The following TMEM131 variants were observed in gnomAD, a reference collection of about 807,000 sequenced individuals.
The protein encoded by TMEM131 is transmembrane protein 131.
TMEM131 carries 66 observed loss-of-function variants against 211.6 expected under a neutral mutation model. The observed-to-expected ratio is 0.31, with a 90% CI of 0.26 to 0.38. The LOEUF (loss-of-function observed/expected upper bound fraction) is 0.38, where lower values mean the gene tolerates loss of function less well. Ranked by LOEUF, TMEM131 falls within the 10% of genes least tolerant of loss-of-function variation. The pLI is 1.00. For missense variants in TMEM131, 2,036 were observed against 2,299.3 expected, an observed-to-expected ratio of 0.89 and a Z score of 2.34; for synonymous variants, 844 against 841.3, an observed-to-expected ratio of 1.00 and a Z score of -0.06.
chr2:97,840,862 C>T (rs574739286), intron 7 of TMEM131, among the ~76,000 whole-genome samples: 8 of 152,294 alleles, frequency 5.3e-5, no homozygotes, highest in African/African-American at 1.7e-4. Flanking sequence ...TTCTTTCGTG[C>T]TGCTTTCACT....
intron 3 of TMEM131, among the ~76,000 whole-genome samples, chr2:97,899,332 G>T (rs760953146): frequency 6.6e-6 from 1 of 152,082 alleles, no homozygotes; most frequent in Non-Finnish European, 1.5e-5. Context: ...ATGAACAGGA[G>T]AAGACACTTG....
intron 1 of TMEM131, among the ~76,000 whole-genome samples, chr2:97,971,504 T>C (rs1051664153): frequency 6.6e-6 from 1 of 152,230 alleles, no homozygotes; most frequent in East Asian, 1.9e-4. Context: ...CGTTGCCAAA[T>C]GCAATGGGCT....
intron 31 of TMEM131, among the ~76,000 whole-genome samples, chr2:97,787,734 C>T (rs544750300): frequency 6.6e-6 from 1 of 152,118 alleles, no homozygotes; most frequent in Non-Finnish European, 1.5e-5. Flanking sequence ...GACTACATAC[C>T]TTTCCAAAAT....
chr2:97,917,011 G>T (rs192510812), intron 2 of TMEM131, among the ~76,000 whole-genome samples: 1 of 152,168 alleles, frequency 6.6e-6, no homozygotes, highest in East Asian at 1.9e-4. Flanking sequence ...CAAAAGATGA[G>T]TACTTCTAGG....
At chr2:97,920,932 G>C (rs1471379822) in intron 2 of TMEM131, among the ~76,000 whole-genome samples, 1 of 151,468 alleles carries the variant, frequency 6.6e-6, no homozygotes, top group Non-Finnish European at 1.5e-5. Flanking sequence ...TTGCCAAATT[G>C]ATCTTCAGAT....
At chr2:97,822,666 G>A (rs779251500) in intron 11 of TMEM131, among the ~76,000 whole-genome samples, 1 of 152,064 alleles carries the variant, frequency 6.6e-6, no homozygotes, top group Non-Finnish European at 1.5e-5. Context: ...AACCTTCCTT[G>A]GTCCTCCTTG....
chr2:97,758,895 T>G lies in TMEM131; in HGVS notation c.5365A>C (p.Thr1789Pro). ...CAGCCCCAGCCCCAAGTACTCACTG[T>G]GGCTGTGTGGGTCGGGGAGCCGGAA... Reference protein sequence around the residue: ...ASSGSPTHTATSVLGNTSGLW... With the variant: ...ASSGSPTHTAPSVLGNTSGLW... The change falls in exon 40 of 41, where the codon ACA (threonine) becomes CCA (proline). Residue 1789 changes from threonine to proline, a missense_variant and splice_region_variant. Transcript: ENST00000186436. 6.2e-7 allele frequency: 1 copy of G among 1,609,244 alleles called. No individual in the cohort carries two copies. The highest frequency in any genetic ancestry group is 8.5e-7 in the Non-Finnish European group (1 of 1,177,582).
At chr2:97,871,944 G>C (rs1459499223) in intron 4 of TMEM131, among the ~76,000 whole-genome samples, 1 of 151,896 alleles carries the variant, frequency 6.6e-6, no homozygotes, top group African/African-American at 2.4e-5. Flanking sequence ...TGGGGTCGGG[G>C]GGGGAGTGGA....
At chr2:97,908,511 A>G (rs1214804206) in intron 3 of TMEM131, 147 bp downstream of exon 3, 8 of 601,394 alleles carry the variant, frequency 1.3e-5, no homozygotes, top group Non-Finnish European at 2.3e-5. Context: ...TTTCCCACAC[A>G]CAACACTTAG....
Position 97,814,122 on chromosome 2 carries a change from G to C in TMEM131, c.1466C>G (p.Pro489Arg). ...TGATTCATTAGGAAGAATTAAGACT[G>C]GTTTGCTGAAGTTGTGAACCTGAGA... Reference protein sequence around the residue: ...TMFKVHNFSKPVLILPNESGY... With the variant: ...TMFKVHNFSKRVLILPNESGY... The change falls in exon 15 of 41, where the codon CCA becomes CGA. Residue 489 changes from proline (P) to arginine (R), a missense_variant. Coordinates refer to ENST00000186436, the MANE Select transcript of TMEM131 (RefSeq NM_015348.2). 1 of 1,611,268 alleles carries C rather than the reference G, an allele frequency of 6.2e-7. No individual in the cohort carries two copies. The highest frequency in any genetic ancestry group is 8.5e-7 in the Non-Finnish European group (1 of 1,178,430).
chr2:97,758,875 C>T lies in TMEM131; in HGVS notation c.5367+18G>A, dbSNP rs1678658691. ...GGTGGGCCAGGTCCAGGCCCCAGCCCCAGCCCCAAGTACTCACTGTGGCTG... is the reference window on the plus strand; with the variant it reads ...GGTGGGCCAGGTCCAGGCCCCAGCCTCAGCCCCAAGTACTCACTGTGGCTG... On this transcript the variant is annotated intron_variant, in intron 40 of 40. Coordinates refer to ENST00000186436, the MANE Select transcript of TMEM131 (RefSeq NM_015348.2). 2 of 1,597,728 alleles carry T rather than the reference C, an allele frequency of 1.3e-6. No individual in the cohort carries two copies. Among genetic ancestry groups the T allele is most frequent in the Admixed American group, 3.5e-5 (2 of 56,666 alleles).
Position 97,995,693 on chromosome 2 carries a change from G to A in TMEM131, c.-31C>T. ...CCGGCCGGGGGCCGCCGCGCTCGAGGTCCGGCGCGGCCCTTCTCGGCGAGG... is the reference window on the plus strand; with the variant it reads ...CCGGCCGGGGGCCGCCGCGCTCGAGATCCGGCGCGGCCCTTCTCGGCGAGG... On this transcript the variant is annotated 5_prime_UTR_variant, in exon 1 of 41. Transcript: ENST00000186436. 3 of 1,187,152 alleles carry A rather than the reference G, an allele frequency of 2.5e-6. No homozygotes were observed. The highest frequency in any genetic ancestry group is 4.2e-5 in the South Asian group (1 of 23,906). The allele number at this position is 1,187,152 out of a possible 1,614,324, so 73.5% of individuals were successfully genotyped here.
intron 25 of TMEM131, among the ~76,000 whole-genome samples, chr2:97,798,049 G>T (rs991211168): frequency 6.6e-6 from 1 of 152,204 alleles, no homozygotes; most frequent in Non-Finnish European, 1.5e-5. Context: ...AGGCTGCACC[G>T]AATGTTTAAA....
At chr2:97,790,365 T>C (rs1490411826) in intron 31 of TMEM131, among the ~76,000 whole-genome samples, 3 of 152,138 alleles carry the variant, frequency 2.0e-5, no homozygotes, top group Non-Finnish European at 2.9e-5. Flanking sequence ...ACAGCATCAG[T>C]GGGAAGGATA....
At chr2:97,856,760 CA>C (rs1166349819) in intron 5 of TMEM131, among the ~76,000 whole-genome samples, 1 of 152,124 alleles carries the variant, frequency 6.6e-6, no homozygotes, top group East Asian at 1.9e-4. Flanking sequence ...CCCAAGAGTT[CA>C]TTCTATCTCT....
intron 33 of TMEM131, among the ~76,000 whole-genome samples, chr2:97,769,393 C>T (rs1679355133): frequency 6.6e-6 from 1 of 152,112 alleles, no homozygotes; most frequent in Non-Finnish European, 1.5e-5. Flanking sequence ...CAACGTTACA[C>T]CTGACTCAAG....
intron 11 of TMEM131, among the ~76,000 whole-genome samples, chr2:97,823,410 T>A (rs189743206): frequency 6.6e-6 from 1 of 152,212 alleles, no homozygotes; most frequent in South Asian, 2.1e-4. Flanking sequence ...ATGTCCTACA[T>A]GGTCTAGGGC....
chr2:97,784,372 T>C (rs1384931648), intron 31 of TMEM131, among the ~76,000 whole-genome samples: 5 of 152,178 alleles, frequency 3.3e-5, no homozygotes, highest in African/African-American at 1.2e-4. Context: ...TTAACACATT[T>C]AAAAGAAATG....
chr2:97,993,753 C>T (rs1258848806), intron 1 of TMEM131, among the ~76,000 whole-genome samples: 1 of 152,178 alleles, frequency 6.6e-6, no homozygotes, highest in Non-Finnish European at 1.5e-5. Flanking sequence ...TAGAGAGGTG[C>T]ACTAACATGT....
Sources: allele counts gnomAD v4.1 joint callset (sites outside exome capture counted in the v4.1 genomes callset), GRCh38; gene constraint gnomAD v4.1.1; transcripts MANE v1.5; gene names NCBI Gene and HGNC (gene_info 2026-07-23, HGNC 2026-07-21).